Variants in FAM177B observed in about 807,000 individuals in gnomAD.
FAM177B encodes protein FAM177B.
In FAM177B, 16 loss-of-function variants were observed where a neutral mutation model predicts 16.1. The observed-to-expected ratio is 0.99, with a 90% confidence interval of 0.67 to 1.51. The LOEUF (loss-of-function observed/expected upper bound fraction) is 1.51. Ranked by LOEUF, FAM177B falls within the 40% of genes most tolerant of loss-of-function variation. The pLI is 0.00. For synonymous variants in FAM177B, 56 were observed against 59.9 expected (o/e 0.93, Z 0.30); for missense variants, 178 against 183.7 (o/e 0.97, Z 0.18).
intron 2 of FAM177B, among the ~76,000 whole-genome samples, chr1:222,742,023 T>C (rs1658575791): frequency 6.6e-6 from 1 of 150,400 alleles, no homozygotes; most frequent in African/African-American, 2.5e-5. Flanking sequence ...CCAGGCTGGT[T>C]TAAAACTCAT....
chr1:222,748,971 G>T, intron 4 of FAM177B: 1 of 470,804 alleles, frequency 2.1e-6, no homozygotes, highest in South Asian at 1.6e-5. Context: ...TGCTGAGCCT[G>T]CAGGCCACCT....
At chr1:222,739,227 C>G (rs1326575217) in intron 2 of FAM177B, among the ~76,000 whole-genome samples, 6 of 152,034 alleles carry the variant, frequency 3.9e-5, no homozygotes, top group Non-Finnish European at 5.9e-5. Context: ...GATATTTAAG[C>G]TTTTTAGCTT....
intron 2 of FAM177B, among the ~76,000 whole-genome samples, chr1:222,738,551 TCTA>T (rs1658385746): frequency 3.6e-5 from 1 of 27,640 alleles, no homozygotes; most frequent in Admixed American, 2.9e-4. Flanking sequence ...AGACTCCGTC[TCTA>T]CAAAAACTGC....
intron 4 of FAM177B, 70 bp downstream of exon 4, chr1:222,747,151 T>G: frequency 2.9e-6 from 3 of 1,044,464 alleles, no homozygotes; most frequent in Non-Finnish European, 4.5e-6. Context: ...TCAGAGTATG[T>G]GGGACTTCCA....
chr1:222,740,731 G>T (rs1468736724), intron 2 of FAM177B, among the ~76,000 whole-genome samples: 1 of 152,056 alleles, frequency 6.6e-6, no homozygotes, highest in African/African-American at 2.4e-5. Flanking sequence ...ACAGAGTCTC[G>T]CTCTGTCACC....
At position 222,750,678 on chromosome 1, in the gene FAM177B, A is replaced by G. The variant is rs1659011119; in HGVS notation, c.*620A>G. Reference sequence around the variant, plus strand: ...AAGCTCTAGAAAAAAATATTAATGGATTATTTTCTTATTTATTTGTCAAGA... The same window carrying G: ...AAGCTCTAGAAAAAAATATTAATGGGTTATTTTCTTATTTATTTGTCAAGA... On this transcript the variant is annotated 3_prime_UTR_variant, in exon 6 of 6. Transcript: ENST00000445590. 1 of 519,930 alleles carries G rather than the reference A, an allele frequency of 1.9e-6. No homozygotes were observed. Among genetic ancestry groups the G allele is most frequent in the Non-Finnish European group, 2.5e-6 (1 of 405,134 alleles). 32.2% of individuals were successfully genotyped at this position (519,930 alleles called of 1,614,324 possible). A position where few individuals can be genotyped will look rare whatever the true frequency, so the allele number is the denominator to read the frequency against.
intron 2 of FAM177B, among the ~76,000 whole-genome samples, chr1:222,744,606 A>G (rs1196197990): frequency 2.6e-5 from 4 of 152,214 alleles, no homozygotes; most frequent in Admixed American, 6.5e-5. Flanking sequence ...CCATTTGCTA[A>G]GAATTGTTCT....
chr1:222,741,370 A>C (rs199553508), intron 2 of FAM177B, among the ~76,000 whole-genome samples: 2 of 151,954 alleles, frequency 1.3e-5, no homozygotes, highest in East Asian at 3.9e-4. Context: ...GGGACATCTT[A>C]CTTTTTCTTA....
chr1:222,738,539 G>A (rs1006986377), intron 2 of FAM177B, among the ~76,000 whole-genome samples: 1 of 119,284 alleles, frequency 8.4e-6, no homozygotes, highest in Admixed American at 1.0e-4. Context: ...GGCAATATAG[G>A]GAGACTCCGT....
chr1:222,742,916 G>T, intron 2 of FAM177B, among the ~76,000 whole-genome samples: 1 of 151,768 alleles, frequency 6.6e-6, no homozygotes. Flanking sequence ...AAGTAATTGC[G>T]GTTTTTCCAT....
At chr1:222,743,590 T>G (rs1658649741) in intron 2 of FAM177B, among the ~76,000 whole-genome samples, 1 of 152,152 alleles carries the variant, frequency 6.6e-6, no homozygotes. Context: ...CATCTTAGGT[T>G]TTCACAGCAT....
chr1:222,746,404 G>A (rs1253297155), intron 2 of FAM177B, 127 bp from the exon 3 acceptor site: 3 of 498,852 alleles, frequency 6.0e-6, no homozygotes, highest in African/African-American at 5.8e-5. Flanking sequence ...TTTTGGATTT[G>A]AGGAATCGAT....
At chr1:222,749,662 T>C (rs1007648013) in intron 5 of FAM177B, 100 bp downstream of exon 5, 3 of 742,192 alleles carry the variant, frequency 4.0e-6, no homozygotes, top group East Asian at 5.0e-5. Flanking sequence ...CCTGGTCATA[T>C]GTACTATAAT....
chr1:222,749,000 A>G (rs1658924674), intron 4 of FAM177B: 1 of 471,684 alleles, frequency 2.1e-6, no homozygotes, highest in South Asian at 1.6e-5. Context: ...AAGGCAGAAA[A>G]GGAAGGCCTT....
intron 2 of FAM177B, among the ~76,000 whole-genome samples, chr1:222,745,197 C>G (rs1165390913): frequency 6.6e-6 from 1 of 152,166 alleles, no homozygotes; most frequent in Admixed American, 6.5e-5. Context: ...TGAGTTGACT[C>G]CAGTTTGGAG....
chr1:222,741,102 A>G (rs1572003996), intron 2 of FAM177B, among the ~76,000 whole-genome samples: 1 of 113,696 alleles, frequency 8.8e-6, no homozygotes, highest in South Asian at 2.7e-4. Context: ...TCTGTCACCC[A>G]GGCTGGAGGG....
In FAM177B at chr1:222,746,699, A is replaced by C. The variant is rs199959781; in HGVS notation, c.154A>C (p.Thr52Pro). Residue 52 changes from threonine (T) to proline (P), a missense_variant, in exon 3 of 6, where the codon ACA becomes CCA. By Grantham distance (38) the Thr-to-Pro change is conservative. Coordinates refer to ENST00000445590, the MANE Select transcript of FAM177B (RefSeq NM_001394345.1). ...GGAAGAGGAAAAGGAGGAGCAGAGC[A>C]CAAATTCAACACTTGACCCTGTAAG... ...EEEEEKEEQS[T>P]NSTLDPSKLS... The C allele has an allele frequency of 5.3e-5, 85 of 1,612,084 alleles. 1 individual carries two copies. The Admixed American group carries it at 1.3e-3, about 24-fold the overall frequency.
Position 222,750,223 on chromosome 1 carries a change from C to A in FAM177B, c.*165C>A, listed in dbSNP as rs919415373. 3 of 1,420,380 alleles carry A rather than the reference C, an allele frequency of 2.1e-6. No individual in the cohort carries two copies. In the Admixed American group the frequency reaches 8.9e-5, roughly 42 times the overall value. The allele number at this position is 1,420,380 out of a possible 1,614,324, so 88.0% of individuals were successfully genotyped here. A position where few individuals can be genotyped will look rare whatever the true frequency, so the allele number is the denominator to read the frequency against. ...TCCTAATCTCTGTGTGACTTAGTCT[C>A]AAGCATCCAGGAATTACAAGCAATA... On this transcript the variant is annotated 3_prime_UTR_variant, in exon 6 of 6. Coordinates refer to ENST00000445590, the MANE Select transcript of FAM177B (RefSeq NM_001394345.1).
intron 1 of FAM177B, 67 bp from the exon 2 acceptor site, chr1:222,737,837 C>T (rs955391643): frequency 6.6e-6 from 1 of 152,030 alleles, no homozygotes; most frequent in African/African-American, 2.4e-5. Flanking sequence ...AGATGATAGA[C>T]CAGGGTGGTA....
Sources: allele counts gnomAD v4.1 joint callset (sites outside exome capture counted in the v4.1 genomes callset), GRCh38; gene constraint gnomAD v4.1.1; transcripts MANE v1.5; gene names NCBI Gene and HGNC (gene_info 2026-07-23, HGNC 2026-07-21).